The following IDH1 variants were observed in gnomAD, a reference collection of about 807,000 sequenced individuals.
IDH1 encodes isocitrate dehydrogenase (NADP(+)) 1, also known as isocitrate dehydrogenase [NADP] cytoplasmic.
In IDH1, 33 loss-of-function variants were observed where a neutral mutation model predicts 46.1. The observed-to-expected ratio is 0.72, with a 90% confidence interval of 0.54 to 0.96. IDH1 has a LOEUF of 0.96. Among genes scored for constraint, IDH1 ranks in the 40% least tolerant of loss-of-function variants. The probability of loss-of-function intolerance (pLI) is 0.00; values close to 1 mark genes in which losing one functional copy is unlikely to be tolerated. For synonymous variants in IDH1, 144 were observed against 172.8 expected, an observed-to-expected ratio of 0.83 and a Z score of 1.31; for missense variants, 421 against 515.7, an observed-to-expected ratio of 0.82 and a Z score of 1.78.
At chr2:208,239,274 A>G (rs749727667) in intron 8 of IDH1, 41 bp from the exon 9 acceptor site, 84 of 1,604,882 alleles carry the variant, frequency 5.2e-5, no homozygotes, top group Middle Eastern at 5.0e-4. Context: ...CAATCATCCT[A>G]GTTATAGAGG....
chr2:208,236,903 T>A lies in IDH1; in HGVS notation c.*176A>T. On this transcript the variant is annotated 3_prime_UTR_variant, in exon 10 of 10. Coordinates refer to ENST00000345146, the MANE Select transcript of IDH1 (RefSeq NM_005896.4). Reference sequence around the variant, plus strand: ...AAGTCCCTTGCCATGTTCACAAAGGTGGCAATAACTGTATATATAAGAAAA... The same window carrying A: ...AAGTCCCTTGCCATGTTCACAAAGGAGGCAATAACTGTATATATAAGAAAA... The A allele has an allele frequency of 1.7e-6, 1 of 577,186 alleles. No individual in the cohort carries two copies. The allele number at this position is 577,186 out of a possible 1,614,324, so 35.8% of individuals were successfully genotyped here. A position where few individuals can be genotyped will look rare whatever the true frequency, so the allele number is the denominator to read the frequency against.
chr2:208,252,527 G>A (rs1688142524), intron 2 of IDH1, among the ~76,000 whole-genome samples: 1 of 152,208 alleles, frequency 6.6e-6, no homozygotes, highest in Non-Finnish European at 1.5e-5. Context: ...GAAGCTCTGA[G>A]CCTGCTAAAA....
intron 9 of IDH1, among the ~76,000 whole-genome samples, chr2:208,237,747 C>T (rs1008318279): frequency 7.1e-6 from 1 of 141,650 alleles, no homozygotes; most frequent in Non-Finnish European, 1.5e-5. Flanking sequence ...AGTGAAACCC[C>T]GTCTCTACTA....
intron 3 of IDH1, chr2:208,251,179 A>C (rs1157611507): frequency 1.4e-5 from 5 of 366,778 alleles, no homozygotes; most frequent in Non-Finnish European, 2.0e-5. Context: ...TCTATATAAA[A>C]AAAGCTAACT....
rs141226540 is a variant in IDH1 at position 208,242,857 on chromosome 2, C to T, written c.698+570G>A. On this transcript the variant is annotated intron_variant, in intron 6 of 9. Coordinates refer to ENST00000345146, the MANE Select transcript of IDH1 (RefSeq NM_005896.4). ...TCGGCTCACTGCAACCTCCGCCTCC[C>T]GGGTTCACGCCATTCTCCTGCCTCA... Among the ~76,000 whole-genome samples the T allele has an allele frequency of 9.5e-3, 1,449 of 151,970 alleles. 28 individuals carry two copies. The highest frequency in any genetic ancestry group is 0.033 in the African/African-American group (1,363 of 41,430).
Position 208,248,321 on chromosome 2 carries a change from C to T in IDH1, c.414+48G>A, listed in dbSNP as rs1688059663. ...ACATACAAGTTGGAAATTTCTGGGC[C>T]ATGAAAAAAAAAACATGCAAAATCA... On this transcript the variant is annotated intron_variant, in intron 4 of 9. Transcript: ENST00000345146. 2.6e-6 allele frequency: 4 copies of T among 1,563,790 alleles called. No homozygotes were observed. In the East Asian group the frequency reaches 9.0e-5, roughly 35 times the overall value.
chr2:208,239,957 A>G lies in IDH1; in HGVS notation c.897T>C (p.Asp299=), dbSNP rs1360629446. 6.2e-7 allele frequency: 1 copy of G among 1,614,178 alleles called. No homozygotes were observed. Among genetic ancestry groups the G allele is most frequent in the African/African-American group, 1.3e-5 (1 of 75,038 alleles). Residue 299 remains aspartate, a synonymous_variant, in exon 8 of 10, where the codon GAT becomes GAC. Transcript: ENST00000345146. The part of the protein sequence containing the change: ...GMMTSVLVCP[D]GKTVEAEAAH... ...CAGCCTCTGCTTCTACTGTCTTGCCATCTGGACAAACCAGCACGCTGGTCA... is the reference window on the plus strand; with the variant it reads ...CAGCCTCTGCTTCTACTGTCTTGCCGTCTGGACAAACCAGCACGCTGGTCA...
At position 208,237,071 on chromosome 2, in the gene IDH1, G is replaced by T; in HGVS notation, c.*8C>A. 2 of 1,492,292 alleles carry T rather than the reference G, an allele frequency of 1.3e-6. No homozygotes were observed. The highest frequency in any genetic ancestry group is 1.9e-6 in the Non-Finnish European group (2 of 1,071,248). 92.4% of individuals were successfully genotyped at this position (1,492,292 alleles called of 1,614,324 possible). A position where few individuals can be genotyped will look rare whatever the true frequency, so the allele number is the denominator to read the frequency against. On this transcript the variant is annotated 3_prime_UTR_variant, in exon 10 of 10. Coordinates refer to ENST00000345146, the MANE Select transcript of IDH1 (RefSeq NM_005896.4). Reference sequence around the variant, plus strand: ...AAGACAATTATCCTTCTTAGCTCAGGTATGAACTTAAAGTTTGGCCTGAGC... The same window carrying T: ...AAGACAATTATCCTTCTTAGCTCAGTTATGAACTTAAAGTTTGGCCTGAGC...
intron 9 of IDH1, 120 bp downstream of exon 9, chr2:208,238,951 G>T: frequency 1.1e-6 from 1 of 920,820 alleles, no homozygotes; most frequent in Non-Finnish European, 1.8e-6. Flanking sequence ...ACAGATATCT[G>T]CTGACTCCTG....
In IDH1 at chr2:208,239,241, A is replaced by C; in HGVS notation, c.992-8T>G. 1 of 1,613,720 alleles carries C rather than the reference A, an allele frequency of 6.2e-7. No individual in the cohort carries two copies. Among genetic ancestry groups the C allele is most frequent in the Non-Finnish European group, 8.5e-7 (1 of 1,179,828 alleles). Reference sequence around the variant, plus strand: ...TCCAGGCAAAAATGGAAGCTAAAAGAGGGGAAAAAAAACACAACACTCCAA... The same window carrying C: ...TCCAGGCAAAAATGGAAGCTAAAAGCGGGGAAAAAAAACACAACACTCCAA... On this transcript the variant is annotated splice_polypyrimidine_tract_variant and splice_region_variant and intron_variant, in intron 8 of 9. Transcript: ENST00000345146.
chr2:208,237,868 G>A (rs1323585206), intron 9 of IDH1, among the ~76,000 whole-genome samples: 1 of 151,488 alleles, frequency 6.6e-6, no homozygotes, highest in Non-Finnish European at 1.5e-5. Flanking sequence ...GGAGGTTGCA[G>A]TGAGCGAAGA....
chr2:208,250,967 T>C (rs1429513994), intron 3 of IDH1, among the ~76,000 whole-genome samples: 1 of 152,232 alleles, frequency 6.6e-6, no homozygotes, highest in East Asian at 1.9e-4. Context: ...CAATACATTG[T>C]ACTATTCTTA....
At chr2:208,239,536 T>G (rs1395874556) in intron 8 of IDH1, among the ~76,000 whole-genome samples, 12 of 152,354 alleles carry the variant, frequency 7.9e-5, no homozygotes, top group African/African-American at 2.9e-4. Context: ...GGCTGTAATC[T>G]CTTTTTGAAG....
At chr2:208,240,183 A>G (rs1687893017) in intron 7 of IDH1, 180 bp from the exon 8 acceptor site, 1 of 676,436 alleles carries the variant, frequency 1.5e-6, no homozygotes, top group African/African-American at 1.8e-5. Flanking sequence ...CAGATATCAG[A>G]GCCAATGGGT....
rs554301628 is a variant in IDH1 at position 208,238,192 on chromosome 2, C to T, written c.1154+879G>A. On this transcript the variant is annotated intron_variant, in intron 9 of 9. Transcript: ENST00000345146. ...CTGGGACTACAGGTGCCCGCCACCA[C>T]GCCTGGTTAATTTTTTGTATTTTTA... is the stretch of plus-strand genomic sequence containing the variant. Among the ~76,000 whole-genome samples the T allele has an allele frequency of 4.6e-5, 7 of 151,862 alleles. No homozygotes were observed. The East Asian group carries it at 6.0e-4, about 13-fold the overall frequency.
In IDH1 at chr2:208,255,043, C is replaced by G. The variant is rs1197763732; in HGVS notation, c.-195G>C. On this transcript the variant is annotated 5_prime_UTR_variant, in exon 1 of 10. Coordinates refer to ENST00000345146, the MANE Select transcript of IDH1 (RefSeq NM_005896.4). ...TCCCAAACCGGACTCCCAGTGCCTCCGCTTCTGAAGTAGACTCTGCAGAAA... is the reference window on the plus strand; with the variant it reads ...TCCCAAACCGGACTCCCAGTGCCTCGGCTTCTGAAGTAGACTCTGCAGAAA... The G allele has an allele frequency of 2.0e-5, 3 of 152,360 alleles. No homozygotes were observed. Among genetic ancestry groups the G allele is most frequent in the Admixed American group, 1.3e-4 (2 of 15,274 alleles). The allele number at this position is 152,360 out of a possible 1,614,324, so 9.4% of individuals were successfully genotyped here.
At chr2:208,253,635 C>A (rs1484374996) in intron 2 of IDH1, among the ~76,000 whole-genome samples, 5 of 152,210 alleles carry the variant, frequency 3.3e-5, no homozygotes, top group Non-Finnish European at 7.3e-5. Context: ...ATATTATTTT[C>A]ATCAACCTCA....
chr2:208,243,746 C>T, intron 5 of IDH1, 142 bp from the exon 6 acceptor site: 1 of 735,234 alleles, frequency 1.4e-6, no homozygotes, highest in Middle Eastern at 3.0e-4. Flanking sequence ...AAGTCCCAGA[C>T]AGGTTTCCAA....
At chr2:208,241,940 A>C in intron 7 of IDH1, 54 bp downstream of exon 7, 5 of 1,590,590 alleles carry the variant, frequency 3.1e-6, no homozygotes, top group Non-Finnish European at 4.3e-6. Flanking sequence ...TTCCCAAATT[A>C]GAGAACTACC....
Sources: allele counts gnomAD v4.1 joint callset (sites outside exome capture counted in the v4.1 genomes callset), GRCh38; gene constraint gnomAD v4.1.1; transcripts MANE v1.5; gene names NCBI Gene and HGNC (gene_info 2026-07-23, HGNC 2026-07-21).